The following TRIQK variants were observed in gnomAD, a reference collection of about 807,000 sequenced individuals.
The protein encoded by TRIQK is triple QxxK/R motif containing.
A neutral mutation model predicts 10.8 loss-of-function variants in TRIQK; 10 were observed. That is an observed-to-expected ratio of 0.92 (90% CI 0.57 to 1.57). TRIQK has a LOEUF of 1.57. Ranked by LOEUF, TRIQK falls within the 40% of genes most tolerant of loss-of-function variation. The pLI is 0.00. For synonymous variants in TRIQK, 33 were observed against 33.7 expected, an observed-to-expected ratio of 0.98 and a Z score of 0.07; for missense variants, 107 against 97.7, an observed-to-expected ratio of 1.09 and a Z score of -0.40.
At chr8:93,012,898 T>C (rs1813349870) in intron 1 of TRIQK, among the ~76,000 whole-genome samples, 2 of 152,186 alleles carry the variant, frequency 1.3e-5, no homozygotes, top group African/African-American at 4.8e-5. Flanking sequence ...ATGTATTGAA[T>C]CAGAAACAAC....
intron 3 of TRIQK, among the ~76,000 whole-genome samples, chr8:92,915,155 C>A (rs751562963): frequency 5.3e-5 from 8 of 152,066 alleles, no homozygotes; most frequent in Non-Finnish European, 7.4e-5. Flanking sequence ...TCTTAAAAAA[C>A]GGATGTCAAA....
At chr8:92,949,780 GAAAAAGAAAGA>G (rs1205817981) in intron 2 of TRIQK, among the ~76,000 whole-genome samples, 3 of 76,762 alleles carry the variant, frequency 3.9e-5, no homozygotes, top group Non-Finnish European at 7.1e-5. Context: ...AGGAAAGAAA[GAAAAAGAAAGA>G]AAGAAAGAAA....
intron 4 of TRIQK, among the ~76,000 whole-genome samples, chr8:92,888,635 A>C (rs1369324116): frequency 6.6e-6 from 1 of 151,402 alleles, no homozygotes; most frequent in Non-Finnish European, 1.5e-5. Context: ...TAACTTAGAG[A>C]CCTATAGGCA....
intron 3 of TRIQK, among the ~76,000 whole-genome samples, chr8:92,909,985 C>T (rs1809487661): frequency 6.6e-6 from 1 of 151,408 alleles, no homozygotes; most frequent in Admixed American, 6.6e-5. Context: ...AAACATACTG[C>T]TTACTATTTC....
At chr8:92,896,960 G>A (rs1172939240) in intron 3 of TRIQK, among the ~76,000 whole-genome samples, 3 of 151,910 alleles carry the variant, frequency 2.0e-5, no homozygotes, top group African/African-American at 7.3e-5. Context: ...GGGATTACAG[G>A]CATGCACCAC....
intron 2 of TRIQK, among the ~76,000 whole-genome samples, chr8:92,931,228 C>T (rs1228178366): frequency 1.3e-5 from 2 of 152,170 alleles, no homozygotes. Flanking sequence ...AAAATCACTA[C>T]TAATAACCAA....
intron 1 of TRIQK, chr8:92,964,746 ATTAC>A (rs1186219109): frequency 6.6e-6 from 1 of 152,106 alleles, no homozygotes; most frequent in Non-Finnish European, 1.5e-5. Flanking sequence ...TGTGTGGATC[ATTAC>A]TTTAATGATA....
intron 2 of TRIQK, among the ~76,000 whole-genome samples, chr8:92,940,183 A>G (rs1474769191): frequency 6.6e-6 from 1 of 152,174 alleles, no homozygotes; most frequent in Non-Finnish European, 1.5e-5. Flanking sequence ...GGCTAGACAA[A>G]ATAATGAAAT....
chr8:92,936,547 GCAAA>G (rs1421042292), intron 2 of TRIQK, among the ~76,000 whole-genome samples: 2 of 151,432 alleles, frequency 1.3e-5, no homozygotes, highest in Non-Finnish European at 3.0e-5. Context: ...TGATACATAG[GCAAA>G]CAAACAAAGC....
intron 3 of TRIQK, among the ~76,000 whole-genome samples, chr8:92,910,224 T>C (rs1041358545): frequency 2.6e-5 from 4 of 151,406 alleles, no homozygotes; most frequent in African/African-American, 4.8e-5. Flanking sequence ...ATGTGAAAGA[T>C]AGGAGAAAGT....
intron 2 of TRIQK, among the ~76,000 whole-genome samples, chr8:92,938,647 T>G (rs182616254): frequency 6.6e-6 from 1 of 152,152 alleles, no homozygotes; most frequent in African/African-American, 2.4e-5. Context: ...TGAGACCATG[T>G]ATTGTCTCAT....
intron 3 of TRIQK, among the ~76,000 whole-genome samples, chr8:92,897,641 T>G (rs1808680465): frequency 6.6e-6 from 1 of 152,156 alleles, no homozygotes; most frequent in Non-Finnish European, 1.5e-5. Flanking sequence ...AGATTTCTTT[T>G]CTTTATAAAT....
intron 3 of TRIQK, among the ~76,000 whole-genome samples, chr8:92,913,864 C>T (rs1399067119): frequency 6.6e-6 from 1 of 152,120 alleles, no homozygotes; most frequent in Non-Finnish European, 1.5e-5. Context: ...CAAACTAACA[C>T]AGGAACAGAA....
In TRIQK at chr8:92,885,426, A is replaced by G. The variant is rs1206630060; in HGVS notation, c.*1196T>C. On this transcript the variant is annotated 3_prime_UTR_variant, in exon 5 of 5. Coordinates refer to ENST00000521988, the MANE Select transcript of TRIQK (RefSeq NM_001171797.2). ...TTGTGCACATGTTTCCAACAATTTC[A>G]TTTTCTATGCATCTTTACATAAGGT... is the stretch of plus-strand genomic sequence containing the variant. 3 of 157,542 alleles carry G rather than the reference A, an allele frequency of 1.9e-5. No homozygotes were observed. The highest frequency in any genetic ancestry group is 7.3e-5 in the African/African-American group (3 of 41,378). The allele number at this position is 157,542 out of a possible 1,614,324, so 9.8% of individuals were successfully genotyped here. A position where few individuals can be genotyped will look rare whatever the true frequency, so the allele number is the denominator to read the frequency against.
intron 1 of TRIQK, among the ~76,000 whole-genome samples, chr8:92,959,480 T>TACACACACACACACACAC (rs34816958): frequency 1.0e-4 from 15 of 143,628 alleles, no homozygotes; most frequent in Non-Finnish European, 2.0e-4. Flanking sequence ...TATATATGCA[T>TACACACACACACACACAC]ACACACACAC....
intron 1 of TRIQK, among the ~76,000 whole-genome samples, chr8:93,007,807 G>T (rs185459329): frequency 6.6e-6 from 1 of 152,304 alleles, no homozygotes; most frequent in Admixed American, 6.5e-5. Context: ...GCTAAAATAA[G>T]ACAAGCAATC....
intron 1 of TRIQK, among the ~76,000 whole-genome samples, chr8:92,981,686 A>G (rs1334833318): frequency 6.6e-6 from 1 of 151,736 alleles, no homozygotes; most frequent in Non-Finnish European, 1.5e-5. Context: ...ACATTGCTAT[A>G]CTTTTTAACA....
chr8:92,998,579 A>T (rs1246267623), intron 1 of TRIQK, among the ~76,000 whole-genome samples: 1 of 152,126 alleles, frequency 6.6e-6, no homozygotes, highest in Non-Finnish European at 1.5e-5. Context: ...AAGGACAAGT[A>T]TTTAATGTAT....
chr8:93,009,486 G>C (rs1161057950), intron 1 of TRIQK, among the ~76,000 whole-genome samples: 4 of 152,198 alleles, frequency 2.6e-5, no homozygotes, highest in South Asian at 4.2e-4. Flanking sequence ...GCAGATGCCT[G>C]TAATCCCAGC....
Sources: allele counts gnomAD v4.1 joint callset (sites outside exome capture counted in the v4.1 genomes callset), GRCh38; gene constraint gnomAD v4.1.1; transcripts MANE v1.5; gene names NCBI Gene and HGNC (gene_info 2026-07-23, HGNC 2026-07-21).